The following RAD50 variants were observed in gnomAD, a reference collection of about 807,000 sequenced individuals.
RAD50 encodes DNA repair protein RAD50.
A neutral mutation model predicts 168.8 loss-of-function variants in RAD50; 132 were observed. The observed-to-expected ratio is 0.78, with a 90% CI of 0.68 to 0.90. The LOEUF is 0.90. RAD50 is among the 40% of genes least tolerant of loss of function. The pLI, the probability that RAD50 is intolerant of heterozygous loss-of-function variation, is 0.00. For missense variants in RAD50, 1,347 were observed against 1,534.4 expected, an observed-to-expected ratio of 0.88 and a Z score of 2.04; for synonymous variants, 525 against 497.4, an observed-to-expected ratio of 1.06 and a Z score of -0.74.
intron 16 of RAD50, among the ~76,000 whole-genome samples, chr5:132,608,126 G>A (rs145310521): frequency 4.6e-5 from 7 of 152,300 alleles, no homozygotes; most frequent in African/African-American, 9.6e-5. Flanking sequence ...CTAAGCTTAA[G>A]GACAGAAGTG....
At position 132,588,822 on chromosome 5, in the gene RAD50, T is replaced by A. The variant is rs1750645029; in HGVS notation, c.1187T>A (p.Phe396Tyr). Residue 396 changes from phenylalanine to tyrosine, a missense_variant, in exon 8 of 25, where the codon TTT becomes TAT. Physicochemically the swap from Phe to Tyr is conservative, Grantham distance 22. Around this residue, in one of 3 missense-constraint regions of RAD50, gnomAD observed 703 missense variants for 767.7 expected, o/e 0.92. Coordinates refer to ENST00000378823, the MANE Select transcript of RAD50 (RefSeq NM_005732.4). ...TTCAGTGAAAGACAGATTAAAAATT[T>A]TCACAAACTTGTGAGAGAGAGACAA... ...GPFSERQIKNFHKLVRERQEG... is the reference protein window; with the variant it reads ...GPFSERQIKNYHKLVRERQEG... 6.2e-7 allele frequency: 1 copy of A among 1,614,086 alleles called. No individual in the cohort carries two copies. Among genetic ancestry groups the A allele is most frequent in the South Asian group, 1.1e-5 (1 of 91,078 alleles).
chr5:132,617,391 C>A (rs1418528331), intron 20 of RAD50, among the ~76,000 whole-genome samples: 2 of 152,134 alleles, frequency 1.3e-5, no homozygotes, highest in African/African-American at 4.8e-5. Context: ...CCAGTCGACT[C>A]TGTAAGGATG....
At chr5:132,618,459 A>G (rs1470633736) in intron 21 of RAD50, among the ~76,000 whole-genome samples, 165 bp downstream of exon 21, 3 of 151,990 alleles carry the variant, frequency 2.0e-5, no homozygotes, top group Non-Finnish European at 4.4e-5. Flanking sequence ...GCTCACTGCA[A>G]CCTCTGCCTC....
intron 16 of RAD50, among the ~76,000 whole-genome samples, chr5:132,607,512 A>G (rs1364297446): frequency 1.3e-5 from 2 of 152,236 alleles, no homozygotes; most frequent in South Asian, 2.1e-4. Flanking sequence ...AGCACTAAGT[A>G]TATTACTGAA....
chr5:132,588,925 A>G, intron 8 of RAD50, 45 bp downstream of exon 8: 1 of 1,550,644 alleles, frequency 6.4e-7, no homozygotes, highest in East Asian at 2.3e-5. Context: ...TTTGCATCAT[A>G]TTCTCTACTT....
Position 132,642,551 on chromosome 5 carries a change from G to T in RAD50, c.*187G>T. On this transcript the variant is annotated 3_prime_UTR_variant, in exon 25 of 25. Transcript: ENST00000378823. ...TGTTTCACTGAAAATTGGACAGATT[G>T]CCTGTTTCTGATTTGCTGCTCTTCA... 1 of 643,402 alleles carries T rather than the reference G, an allele frequency of 1.6e-6. No homozygotes were observed. The highest frequency in any genetic ancestry group is 2.6e-6 in the Non-Finnish European group (1 of 381,232). The allele number at this position is 643,402 out of a possible 1,614,324, so 39.9% of individuals were successfully genotyped here. A position where few individuals can be genotyped will look rare whatever the true frequency, so the allele number is the denominator to read the frequency against.
At chr5:132,639,822 C>T (rs1005670915) in intron 23 of RAD50, among the ~76,000 whole-genome samples, 5 of 152,152 alleles carry the variant, frequency 3.3e-5, no homozygotes, top group African/African-American at 1.2e-4. Context: ...ATGCCTGTCC[C>T]TCACAGGGCC....
rs777349391 is a variant in RAD50 at position 132,591,352 on chromosome 5, G to T, written c.1581G>T (p.Gln527His). The change falls in exon 10 of 25, where the codon CAG becomes CAT. Residue 527 changes from glutamine to histidine, a missense_variant. Gln to His is a conservative substitution (Grantham distance 24). Transcript: ENST00000378823. ...TLRKLDQEME[Q>H]LNHHTTTRTQ... ...GTAAACTTGACCAGGAGATGGAGCA[G>T]TTAAACCATCATACAACAACACGTA... 11 of 1,613,966 alleles carry T rather than the reference G, an allele frequency of 6.8e-6. No individual in the cohort carries two copies. The highest frequency in any genetic ancestry group is 9.3e-6 in the Non-Finnish European group (11 of 1,179,932).
At chr5:132,606,657 A>G (rs545360782) in intron 16 of RAD50, among the ~76,000 whole-genome samples, 1 of 152,334 alleles carries the variant, frequency 6.6e-6, no homozygotes, top group East Asian at 1.9e-4. Context: ...CCTAGCAGAG[A>G]CACAACAAAA....
intron 21 of RAD50, among the ~76,000 whole-genome samples, chr5:132,634,461 G>A (rs1040185246): frequency 6.6e-6 from 1 of 151,786 alleles, no homozygotes; most frequent in Non-Finnish European, 1.5e-5. Context: ...GATTTTCTTG[G>A]ATTTTCTAAG....
At chr5:132,582,650 T>G (rs1750523084) in intron 5 of RAD50, among the ~76,000 whole-genome samples, 1 of 152,222 alleles carries the variant, frequency 6.6e-6, no homozygotes, top group African/African-American at 2.4e-5. Context: ...CTTTCTTGCC[T>G]TAAATGGGAA....
intron 2 of RAD50, among the ~76,000 whole-genome samples, chr5:132,569,786 C>T (rs1444692607): frequency 6.6e-6 from 1 of 152,150 alleles, no homozygotes; most frequent in East Asian, 1.9e-4. Flanking sequence ...ATAATGTATT[C>T]TGTGACTACA....
At position 132,603,405 on chromosome 5, in the gene RAD50, A is replaced by C. The variant is rs768803229; in HGVS notation, c.2313A>C (p.Gln771His). The C allele has an allele frequency of 1.2e-6, 2 of 1,613,994 alleles. No homozygotes were observed. Among genetic ancestry groups the C allele is most frequent in the Non-Finnish European group, 1.7e-6 (2 of 1,179,904 alleles). ...GCCTAAAGAACGACATAGAAGAACA[A>C]GAAACACTCTTGGGTACAATAATGC... ...IQRLKNDIEE[Q>H]ETLLGTIMPE... The change falls in exon 14 of 25, where the codon CAA (glutamine) becomes CAC (histidine). Residue 771 changes from glutamine (Q) to histidine (H), a missense_variant. Gln to His is a conservative substitution (Grantham distance 24, BLOSUM62 0). Transcript: ENST00000378823.
At chr5:132,557,752 A>G (rs1389163685) in intron 1 of RAD50, among the ~76,000 whole-genome samples, 1 of 152,182 alleles carries the variant, frequency 6.6e-6, no homozygotes, top group African/African-American at 2.4e-5. Flanking sequence ...TTTGGTCTGT[A>G]TTGATGTTTT....
At chr5:132,565,062 G>C (rs1203900262) in intron 2 of RAD50, among the ~76,000 whole-genome samples, 2 of 152,026 alleles carry the variant, frequency 1.3e-5, no homozygotes, top group Non-Finnish European at 2.9e-5. Context: ...CCCCCTTGCT[G>C]TTCTCATGAT....
chr5:132,621,156 G>A (rs1038246868), intron 21 of RAD50, among the ~76,000 whole-genome samples: 8 of 152,078 alleles, frequency 5.3e-5, no homozygotes, highest in African/African-American at 1.9e-4. Context: ...CAAAGTGGTC[G>A]TGGAGCACCA....
At chr5:132,569,346 TGAAAA>T (rs1300360970) in intron 2 of RAD50, among the ~76,000 whole-genome samples, 2 of 152,088 alleles carry the variant, frequency 1.3e-5, no homozygotes, top group Admixed American at 1.3e-4. Context: ...TGCCAGCTAA[TGAAAA>T]GAAAGCTGAA....
chr5:132,591,412 A>G lies in RAD50; in HGVS notation c.1635+6A>G, dbSNP rs764870292. 3.1e-6 allele frequency: 5 copies of G among 1,611,458 alleles called. No individual in the cohort carries two copies. Among genetic ancestry groups the G allele is most frequent in the Non-Finnish European group, 4.2e-6 (5 of 1,178,008 alleles). ...AGATGCTGACCAAAGACAAAGTATG[A>G]TTTTTCTTTTTGTTCTAATTATACT... On this transcript the variant is annotated splice_donor_region_variant and intron_variant, in intron 10 of 24. Coordinates refer to ENST00000378823, the MANE Select transcript of RAD50 (RefSeq NM_005732.4).
At chr5:132,579,839 AT>A in intron 4 of RAD50, 22 bp from the exon 5 acceptor site, 1 of 1,580,034 alleles carries the variant, frequency 6.3e-7, no homozygotes, top group Non-Finnish European at 8.7e-7. Flanking sequence ...CAGAAATTTG[AT>A]TTTTGTTTCA....
Sources: allele counts gnomAD v4.1 joint callset (sites outside exome capture counted in the v4.1 genomes callset), GRCh38; gene constraint gnomAD v4.1.1; regional missense constraint gnomAD v4.1.1; transcripts MANE v1.5; gene names NCBI Gene and HGNC (gene_info 2026-07-23, HGNC 2026-07-21).